The following PLPP1 variants were observed in gnomAD, a reference collection of about 807,000 sequenced individuals.
PLPP1 encodes lipid phosphate phosphohydrolase 1a.
Under a neutral mutation model 31.2 loss-of-function variants are expected in PLPP1, and 24 were observed. The observed-to-expected ratio is 0.77, with a 90% CI of 0.56 to 1.08. The LOEUF is 1.08. PLPP1 is among the 50% of genes least tolerant of loss of function. The pLI is 0.00. For missense variants in PLPP1, 319 were observed against 342.7 expected (o/e 0.93, Z 0.55); for synonymous variants, 146 against 126.3 (o/e 1.16, Z -1.05).
At chr5:55,522,171 C>G (rs1753683516) in intron 1 of PLPP1, among the ~76,000 whole-genome samples, 1 of 152,228 alleles carries the variant, frequency 6.6e-6, no homozygotes, top group South Asian at 2.1e-4. Flanking sequence ...AAAGGTCACT[C>G]TGAACTCCAT....
At chr5:55,454,911 T>G (rs1486581900) in intron 3 of PLPP1, among the ~76,000 whole-genome samples, 1 of 152,216 alleles carries the variant, frequency 6.6e-6, no homozygotes, top group African/African-American at 2.4e-5. Context: ...TCTCAAAATG[T>G]AAAGCCAGTT....
At chr5:55,505,168 T>G (rs149633670) in intron 1 of PLPP1, among the ~76,000 whole-genome samples, 1 of 152,132 alleles carries the variant, frequency 6.6e-6, no homozygotes, top group Non-Finnish European at 1.5e-5. Flanking sequence ...TCCTCCCAAT[T>G]TTACCCTCTT....
intron 1 of PLPP1, among the ~76,000 whole-genome samples, chr5:55,523,677 AATACCATTGATAC>A (rs1363733074): frequency 2.0e-5 from 3 of 152,188 alleles, no homozygotes; most frequent in Non-Finnish European, 4.4e-5. Context: ...CACTATTAAA[AATACCATTGATAC>A]ATACCATATT....
chr5:55,479,023 ATTTT>A (rs11352656), intron 1 of PLPP1, among the ~76,000 whole-genome samples: 3 of 133,110 alleles, frequency 2.3e-5, no homozygotes, highest in Non-Finnish European at 3.3e-5. Flanking sequence ...AGCCTATGAG[ATTTT>A]TTTTTTTTTT....
chr5:55,519,464 A>G (rs1336526286), intron 1 of PLPP1, among the ~76,000 whole-genome samples: 1 of 152,208 alleles, frequency 6.6e-6, no homozygotes, highest in Non-Finnish European at 1.5e-5. Context: ...TTAAGAAAAA[A>G]GTGGCCAGGC....
At chr5:55,477,396 C>CTTTTTTTTT (rs3070044) in intron 1 of PLPP1, among the ~76,000 whole-genome samples, 1 of 133,326 alleles carries the variant, frequency 7.5e-6, no homozygotes. Context: ...TTTTTCTTTT[C>CTTTTTTTTT]TTTTTTTTTT....
chr5:55,510,637 C>G (rs1018054237), intron 1 of PLPP1, among the ~76,000 whole-genome samples: 1 of 152,208 alleles, frequency 6.6e-6, no homozygotes, highest in Non-Finnish European at 1.5e-5. Flanking sequence ...TGACCCCACC[C>G]CCTCCACCTA....
intron 1 of PLPP1, among the ~76,000 whole-genome samples, chr5:55,518,683 C>T (rs535939051): frequency 6.6e-6 from 1 of 152,264 alleles, no homozygotes; most frequent in East Asian, 1.9e-4. Context: ...TATAATTGAT[C>T]TCCCACAAGT....
chr5:55,533,743 A>G (rs1257619693), intron 1 of PLPP1, among the ~76,000 whole-genome samples: 1 of 152,220 alleles, frequency 6.6e-6, no homozygotes, highest in African/African-American at 2.4e-5. Context: ...TAACTGCCTT[A>G]TACAATACAT....
At chr5:55,437,943 G>T (rs185401256) in intron 4 of PLPP1, among the ~76,000 whole-genome samples, 36 of 152,364 alleles carry the variant, frequency 2.4e-4, no homozygotes, top group Non-Finnish European at 4.6e-4. Flanking sequence ...CTTAAGGAAA[G>T]TGGATAGTAT....
chr5:55,500,606 C>G (rs1418828474), intron 1 of PLPP1, among the ~76,000 whole-genome samples: 1 of 151,230 alleles, frequency 6.6e-6, no homozygotes, highest in African/African-American at 2.4e-5. Context: ...AACAAAAGAC[C>G]AAAATCATCA....
intron 3 of PLPP1, among the ~76,000 whole-genome samples, chr5:55,444,170 C>T (rs1751698284): frequency 6.6e-6 from 1 of 150,618 alleles, no homozygotes; most frequent in South Asian, 2.1e-4. Context: ...CAACCTCCGC[C>T]TCCCGGGTTC....
At chr5:55,533,276 G>A (rs1201355733) in intron 1 of PLPP1, among the ~76,000 whole-genome samples, 1 of 150,886 alleles carries the variant, frequency 6.6e-6, no homozygotes, top group Non-Finnish European at 1.5e-5. Flanking sequence ...CCAGCTACTA[G>A]AGAGGCCAAG....
intron 2 of PLPP1, among the ~76,000 whole-genome samples, chr5:55,471,288 G>A (rs548121312): frequency 8.1e-5 from 12 of 148,940 alleles, no homozygotes; most frequent in African/African-American, 2.7e-4. Context: ...TGCAACCTCC[G>A]CCTCCCAGGT....
chr5:55,455,165 T>C (rs953095555), intron 3 of PLPP1, among the ~76,000 whole-genome samples: 1 of 152,130 alleles, frequency 6.6e-6, no homozygotes, highest in Non-Finnish European at 1.5e-5. Flanking sequence ...AGAGATCAGT[T>C]ACTCAGAATG....
chr5:55,432,069 T>C (rs1362887730), intron 4 of PLPP1, among the ~76,000 whole-genome samples: 1 of 151,792 alleles, frequency 6.6e-6, no homozygotes, highest in Non-Finnish European at 1.5e-5. Flanking sequence ...CTACAGAGCA[T>C]GCCAGCATGA....
At chr5:55,512,744 C>G (rs1041917730) in intron 1 of PLPP1, among the ~76,000 whole-genome samples, 1 of 62,368 alleles carries the variant, frequency 1.6e-5, no homozygotes, top group Non-Finnish European at 3.8e-5. Flanking sequence ...ACACACACAC[C>G]CCTTTGGGGA....
At chr5:55,491,565 G>T (rs1157946901) in intron 1 of PLPP1, among the ~76,000 whole-genome samples, 2 of 152,036 alleles carry the variant, frequency 1.3e-5, no homozygotes, top group African/African-American at 4.8e-5. Context: ...TCATCCAGGA[G>T]AAGAAACATG....
intron 3 of PLPP1, among the ~76,000 whole-genome samples, chr5:55,452,614 CCT>C (rs1213623016): frequency 6.6e-6 from 1 of 152,224 alleles, no homozygotes; most frequent in African/African-American, 2.4e-5. Flanking sequence ...CAGCTCCACA[CCT>C]CTCTTTGGTA....
Sources: allele counts gnomAD v4.1 joint callset (sites outside exome capture counted in the v4.1 genomes callset), GRCh38; gene constraint gnomAD v4.1.1; transcripts MANE v1.5; gene names NCBI Gene and HGNC (gene_info 2026-07-23, HGNC 2026-07-21).